The following TEAD1 variants were observed in gnomAD, a reference collection of about 807,000 sequenced individuals.
The protein encoded by TEAD1 is transcriptional enhancer factor TEF-1.
In TEAD1, 9 loss-of-function variants were observed where a neutral mutation model predicts 54.9. The observed-to-expected ratio is 0.16, with a 90% CI of 0.10 to 0.29. TEAD1 has a LOEUF of 0.29. TEAD1 is among the 10% of genes least tolerant of loss of function. The pLI is 1.00. For missense variants in TEAD1, 387 were observed against 535.9 expected (o/e 0.72, Z 2.74); for synonymous variants, 200 against 187.8 (o/e 1.07, Z -0.53).
chr11:12,727,775 C>A (rs1157418758), intron 2 of TEAD1, among the ~76,000 whole-genome samples: 1 of 152,172 alleles, frequency 6.6e-6, no homozygotes, highest in Non-Finnish European at 1.5e-5. Flanking sequence ...TTCTGTTGCA[C>A]TTGGCTTGCT....
At chr11:12,765,201 C>T (rs1410455312) in intron 3 of TEAD1, among the ~76,000 whole-genome samples, 1 of 152,144 alleles carries the variant, frequency 6.6e-6, no homozygotes, top group African/African-American at 2.4e-5. Context: ...GATCCACCTG[C>T]CGGTCTGGGG....
At chr11:12,697,527 A>G (rs555263461) in intron 2 of TEAD1, among the ~76,000 whole-genome samples, 11 of 152,228 alleles carry the variant, frequency 7.2e-5, no homozygotes, top group African/African-American at 2.4e-5. Context: ...CTACAAGTAC[A>G]TTAGCAGATG....
intron 3 of TEAD1, among the ~76,000 whole-genome samples, chr11:12,806,993 A>T (rs1946186351): frequency 6.6e-6 from 1 of 152,226 alleles, no homozygotes; most frequent in South Asian, 2.1e-4. Context: ...AATAAGAATC[A>T]AATGTGATCC....
chr11:12,795,799 G>A (rs1263614614), intron 3 of TEAD1, among the ~76,000 whole-genome samples: 6 of 152,146 alleles, frequency 3.9e-5, no homozygotes. Flanking sequence ...TCGGGTATAC[G>A]CTGCTTCTCA....
intron 2 of TEAD1, among the ~76,000 whole-genome samples, chr11:12,709,066 G>A (rs935717196): frequency 6.6e-6 from 1 of 152,122 alleles, no homozygotes; most frequent in Admixed American, 6.5e-5. Context: ...GGCTGGGTGC[G>A]GTAGCTCATG....
intron 3 of TEAD1, among the ~76,000 whole-genome samples, chr11:12,820,525 T>C (rs956341406): frequency 6.6e-6 from 1 of 152,192 alleles, no homozygotes; most frequent in African/African-American, 2.4e-5. Flanking sequence ...TTGAGATCAG[T>C]TGTCTACGTT....
At chr11:12,716,622 C>G (rs1341067778) in intron 2 of TEAD1, among the ~76,000 whole-genome samples, 3 of 152,222 alleles carry the variant, frequency 2.0e-5, no homozygotes, top group East Asian at 1.9e-4. Flanking sequence ...CACCACCTCT[C>G]AGCTCTGCTG....
At chr11:12,762,810 G>C (rs1402262190) in intron 2 of TEAD1, among the ~76,000 whole-genome samples, 33 of 152,178 alleles carry the variant, frequency 2.2e-4, no homozygotes, top group Non-Finnish European at 7.3e-5. Flanking sequence ...AGTTGGGAGA[G>C]AGCAGGGAGG....
chr11:12,694,250 G>A (rs1374248398), intron 2 of TEAD1, among the ~76,000 whole-genome samples: 1 of 152,208 alleles, frequency 6.6e-6, no homozygotes, highest in African/African-American at 2.4e-5. Context: ...TTGAAGTATC[G>A]ACTCTTTGTT....
intron 2 of TEAD1, among the ~76,000 whole-genome samples, chr11:12,679,893 T>A (rs1331986800): frequency 6.6e-6 from 1 of 152,212 alleles, no homozygotes; most frequent in Non-Finnish European, 1.5e-5. Context: ...AGAAAGAGAC[T>A]GTTTTTTTGC....
chr11:12,711,889 G>T (rs776850318), intron 2 of TEAD1, among the ~76,000 whole-genome samples: 4 of 152,124 alleles, frequency 2.6e-5, no homozygotes, highest in Non-Finnish European at 4.4e-5. Context: ...CCTGACTCTT[G>T]GTTAGGCTGT....
chr11:12,893,312 T>C (rs1564980316), intron 9 of TEAD1, among the ~76,000 whole-genome samples: 1 of 152,158 alleles, frequency 6.6e-6, no homozygotes, highest in Non-Finnish European at 1.5e-5. Flanking sequence ...AAGGAGATGA[T>C]GGCTCAGTGT....
intron 2 of TEAD1, among the ~76,000 whole-genome samples, chr11:12,700,808 T>G (rs1943684370): frequency 6.6e-6 from 1 of 152,222 alleles, no homozygotes; most frequent in Non-Finnish European, 1.5e-5. Flanking sequence ...ATGCATCTGG[T>G]GCCAAGTGAC....
intron 3 of TEAD1, among the ~76,000 whole-genome samples, chr11:12,780,337 A>G (rs1945516753): frequency 1.3e-5 from 2 of 148,946 alleles, no homozygotes. Flanking sequence ...TCCGCCTCCC[A>G]GGTTCAAGCG....
intron 2 of TEAD1, among the ~76,000 whole-genome samples, chr11:12,725,691 C>T (rs551840459): frequency 4.6e-5 from 7 of 152,308 alleles, no homozygotes; most frequent in African/African-American, 9.6e-5. Flanking sequence ...TCACAGGATG[C>T]TTTCTGGAGA....
intron 12 of TEAD1, among the ~76,000 whole-genome samples, chr11:12,930,558 A>G (rs1948994192): frequency 6.6e-6 from 1 of 152,230 alleles, no homozygotes. Context: ...TAAGGTTCGC[A>G]GAACTGGAAT....
intron 2 of TEAD1, among the ~76,000 whole-genome samples, chr11:12,684,490 G>A (rs1255019747): frequency 6.6e-6 from 1 of 152,150 alleles, no homozygotes; most frequent in Non-Finnish European, 1.5e-5. Flanking sequence ...TAAAACCATT[G>A]CATAATCCCC....
intron 2 of TEAD1, among the ~76,000 whole-genome samples, chr11:12,696,555 A>G (rs1333900981): frequency 6.6e-6 from 1 of 152,196 alleles, no homozygotes; most frequent in Non-Finnish European, 1.5e-5. Context: ...CCTGGTTTCC[A>G]TCTCTTGTGA....
At chr11:12,855,347 T>C (rs1947356185) in intron 3 of TEAD1, among the ~76,000 whole-genome samples, 1 of 152,156 alleles carries the variant, frequency 6.6e-6, no homozygotes, top group African/African-American at 2.4e-5. Flanking sequence ...TAGAGTGCTG[T>C]GGCGTGATCT....
Sources: gnomAD v4.1 joint callset for allele counts (sites outside exome capture counted in the v4.1 genomes callset) on GRCh38, gnomAD v4.1.1 for gene constraint, MANE v1.5 for transcripts, NCBI Gene and HGNC (gene_info 2026-07-23, HGNC 2026-07-21) for gene names.